SERGEF: variants seen among roughly 807,000 people sequenced by gnomAD.
The protein encoded by SERGEF is secretion-regulating guanine nucleotide exchange factor.
A neutral mutation model predicts 50.0 loss-of-function variants in SERGEF; 51 were observed. The observed-to-expected ratio is 1.02, with a 90% CI of 0.81 to 1.29. SERGEF has a LOEUF of 1.29. Ranked by LOEUF, SERGEF falls within the 50% of genes most tolerant of loss-of-function variation. The probability of loss-of-function intolerance (pLI) is 0.00; values close to 1 mark genes in which losing one functional copy is unlikely to be tolerated. For missense variants in SERGEF, 521 were observed against 557.0 expected (o/e 0.94, Z 0.65); for synonymous variants, 205 against 212.4 (o/e 0.97, Z 0.30).
intron 9 of SERGEF, among the ~76,000 whole-genome samples, chr11:17,938,050 T>C (rs959447426): frequency 1.3e-5 from 2 of 152,292 alleles, no homozygotes; most frequent in East Asian, 3.9e-4. Context: ...CACTATGCCA[T>C]TACCAGCTTC....
intron 9 of SERGEF, among the ~76,000 whole-genome samples, chr11:17,897,917 C>T (rs190981079): frequency 1.3e-5 from 2 of 152,078 alleles, no homozygotes; most frequent in Non-Finnish European, 2.9e-5. Flanking sequence ...CCCCATTAAC[C>T]CCTAATGTTG....
rs573001929 is a variant in SERGEF at position 17,847,846 on chromosome 11, T to C, written c.1048+30362A>G. ...CCGGGAGACTGGGACTCAAGAAGTC[T>C]GTCTAGGGGCCAGGGTATCTGCAAT... On this transcript the variant is annotated intron_variant, in intron 10 of 10. Transcript: ENST00000265965. 5.9e-5 allele frequency among the ~76,000 whole-genome samples: 9 copies of C among 152,300 alleles called. No homozygotes were observed. The South Asian group carries it at 1.2e-3, about 21-fold the overall frequency.
chr11:17,980,362 G>A (rs527489358), intron 8 of SERGEF, among the ~76,000 whole-genome samples: 8 of 152,178 alleles, frequency 5.3e-5, no homozygotes, highest in East Asian at 1.9e-4. Flanking sequence ...TGCAACCTCC[G>A]AATTGAGGCC....
At chr11:17,933,883 C>T (rs1051456470) in intron 9 of SERGEF, among the ~76,000 whole-genome samples, 15 of 151,884 alleles carry the variant, frequency 9.9e-5, no homozygotes, top group Admixed American at 6.6e-4. Flanking sequence ...CTGCAGTTAC[C>T]ATAGCAACAG....
In SERGEF at chr11:17,876,661, C is replaced by T. The variant is rs2237928; in HGVS notation, c.1048+1547G>A. Among the ~76,000 whole-genome samples, 38 of 152,382 alleles carry T rather than the reference C, an allele frequency of 2.5e-4. No individual in the cohort carries two copies. The East Asian group carries it at 4.8e-3, about 19-fold the overall frequency. ...TCCTTCTACAGCCCCAGGCTGCCTA[C>T]GTCAGCTCAGCCTGCTGCTTTGCTA... On this transcript the variant is annotated intron_variant, in intron 10 of 10. Coordinates refer to ENST00000265965, the MANE Select transcript of SERGEF (RefSeq NM_012139.4).
At chr11:17,980,903 C>T (rs1518521) in intron 8 of SERGEF, among the ~76,000 whole-genome samples, 48,595 of 152,106 alleles carry the variant, frequency 0.32, 9,266 homozygotes, top group East Asian at 0.5. Flanking sequence ...GCTGGAATGA[C>T]CCTTAAAGAT....
intron 9 of SERGEF, among the ~76,000 whole-genome samples, chr11:17,922,585 G>T (rs1449053979): frequency 6.6e-6 from 1 of 152,144 alleles, no homozygotes; most frequent in African/African-American, 2.4e-5. Context: ...GGCGTACTAT[G>T]TGGTACTCAG....
At chr11:17,796,183 T>C (rs1380712116) in intron 10 of SERGEF, among the ~76,000 whole-genome samples, 5 of 152,152 alleles carry the variant, frequency 3.3e-5, no homozygotes, top group African/African-American at 9.7e-5. Flanking sequence ...AATAATAGTA[T>C]TTCCAGGGAC....
rs574740258 is a variant in SERGEF at position 17,842,544 on chromosome 11, T to C, written c.1048+35664A>G. ...GAGGTATACATTACTAGCCCTTTTT[T>C]GCTAATAAGAAACAGAAACTCAGAG... On this transcript the variant is annotated intron_variant, in intron 10 of 10. Coordinates refer to ENST00000265965, the MANE Select transcript of SERGEF (RefSeq NM_012139.4). 5.9e-5 allele frequency among the ~76,000 whole-genome samples: 9 copies of C among 152,330 alleles called. No individual in the cohort carries two copies. The South Asian group carries it at 1.9e-3, about 32-fold the overall frequency.
intron 10 of SERGEF, among the ~76,000 whole-genome samples, chr11:17,797,669 C>G (rs557973469): frequency 4.7e-4 from 72 of 152,246 alleles, no homozygotes; most frequent in African/African-American, 1.7e-3. Flanking sequence ...GCTGCTATAT[C>G]CCAGTACCTG....
intron 10 of SERGEF, among the ~76,000 whole-genome samples, chr11:17,833,958 T>C (rs554676821): frequency 6.6e-6 from 1 of 152,340 alleles, no homozygotes; most frequent in South Asian, 2.1e-4. Flanking sequence ...TGTGGACTTC[T>C]GAGTTAATGC....
chr11:17,912,124 G>T (rs1851966636), intron 9 of SERGEF, among the ~76,000 whole-genome samples: 1 of 152,072 alleles, frequency 6.6e-6, no homozygotes, highest in Non-Finnish European at 1.5e-5. Context: ...AGAAGAGCAG[G>T]GGCTAAGAAC....
At chr11:17,860,424 A>G (rs1241005315) in intron 10 of SERGEF, among the ~76,000 whole-genome samples, 1 of 152,206 alleles carries the variant, frequency 6.6e-6, no homozygotes, top group African/African-American at 2.4e-5. Context: ...AAGATAATTA[A>G]ATTTTTATTT....
intron 8 of SERGEF, among the ~76,000 whole-genome samples, chr11:17,959,997 C>T (rs1395702917): frequency 2.6e-5 from 4 of 152,212 alleles, no homozygotes; most frequent in East Asian, 1.9e-4. Context: ...ACTCCTTGTG[C>T]TTTGCCCAGA....
chr11:17,822,354 T>C (rs566356950), intron 10 of SERGEF, among the ~76,000 whole-genome samples: 11 of 152,364 alleles, frequency 7.2e-5, no homozygotes, highest in Admixed American at 6.5e-4. Flanking sequence ...TTGAGTCATA[T>C]GCTGATTCCT....
intron 9 of SERGEF, among the ~76,000 whole-genome samples, chr11:17,901,874 G>A (rs375197063): frequency 4.6e-5 from 7 of 152,352 alleles, no homozygotes; most frequent in East Asian, 3.9e-4. Flanking sequence ...CACCAGGATG[G>A]CAGCAGAGCA....
At chr11:17,795,336 G>T (rs1260684411) in intron 10 of SERGEF, among the ~76,000 whole-genome samples, 1 of 152,174 alleles carries the variant, frequency 6.6e-6, no homozygotes, top group Admixed American at 6.5e-5. Context: ...GGGGAGTGAG[G>T]AATCCCTGAA....
intron 9 of SERGEF, among the ~76,000 whole-genome samples, chr11:17,895,554 C>T (rs567232717): frequency 6.6e-6 from 1 of 152,268 alleles, no homozygotes; most frequent in South Asian, 2.1e-4. Context: ...TCACAGTGAC[C>T]TTCTTGATCT....
intron 9 of SERGEF, among the ~76,000 whole-genome samples, chr11:17,941,481 G>A (rs1007430854): frequency 2.7e-4 from 41 of 152,198 alleles, no homozygotes; most frequent in South Asian, 1.0e-3. Context: ...TTTTTAAGAC[G>A]GAATGATATT....
Sources: gnomAD v4.1 joint callset for allele counts (sites outside exome capture counted in the v4.1 genomes callset) on GRCh38, gnomAD v4.1.1 for gene constraint, MANE v1.5 for transcripts, NCBI Gene and HGNC (gene_info 2026-07-23, HGNC 2026-07-21) for gene names.